The following YIPF6 variants were observed in gnomAD, a reference collection of about 807,000 sequenced individuals.
The protein encoded by YIPF6 is Yip1 domain family member 6.
A neutral mutation model predicts 16.8 loss-of-function variants in YIPF6; 3 were observed. The observed-to-expected ratio is 0.18, with a 90% CI of 0.08 to 0.46. YIPF6 has a LOEUF of 0.46. YIPF6 is among the 20% of genes least tolerant of loss of function. The probability of loss-of-function intolerance (pLI) is 0.98; values close to 1 mark genes in which losing one functional copy is unlikely to be tolerated. For missense variants in YIPF6, 145 were observed against 184.9 expected (o/e 0.78, Z 1.25); for synonymous variants, 67 against 61.9 (o/e 1.08, Z -0.38).
At chrX:68,515,274 C>T (rs1325104730) in intron 3 of YIPF6, 2 of 104,374 alleles carry the variant, frequency 1.9e-5, no homozygotes, top group Non-Finnish European at 3.9e-5. Context: ...TGCAGTGAGC[C>T]GGGATAGCGC....
rs565225177 is a variant in YIPF6, at chrX:68,524,504, T to A, written c.592+1587T>A. On this transcript the variant is annotated intron_variant, in intron 6 of 6. Transcript: ENST00000462683. ...ATTTATTTATTTATTTGGCTAAAAATATATATATATATATATGTTTTTATA... is the reference window on the plus strand; with the variant it reads ...ATTTATTTATTTATTTGGCTAAAAAAATATATATATATATATGTTTTTATA... Among the ~76,000 whole-genome samples, 394 of 106,999 alleles carry A rather than the reference T, an allele frequency of 3.7e-3. 1 individual carries two copies. The highest frequency in any genetic ancestry group is 5.0e-3 in the Non-Finnish European group (259 of 51,973). The allele number at this position is 106,999 out of a possible 115,157, so 92.9% of individuals were successfully genotyped here. A position where few individuals can be genotyped will look rare whatever the true frequency, so the allele number is the denominator to read the frequency against.
intron 3 of YIPF6, among the ~76,000 whole-genome samples, chrX:68,516,913 G>T (rs775571019): frequency 9.1e-6 from 1 of 109,744 alleles, no homozygotes; most frequent in Non-Finnish European, 1.9e-5. Flanking sequence ...CTGCCTCCTG[G>T]GTTTAAGGGA....
rs1396056212 is a variant in YIPF6 at position 68,532,383 on chromosome X, A to G, written c.*384A>G. Reference sequence around the variant, plus strand: ...TTTTCAGTTTTGAGAATACCAGTTCAGGTGCAGCTCTTAAACACATTGCCT... The same window carrying G: ...TTTTCAGTTTTGAGAATACCAGTTCGGGTGCAGCTCTTAAACACATTGCCT... On this transcript the variant is annotated 3_prime_UTR_variant, in exon 7 of 7. Transcript: ENST00000462683. 1 of 120,653 alleles carries G rather than the reference A, an allele frequency of 8.3e-6. No homozygotes were observed. Among genetic ancestry groups the G allele is most frequent in the African/African-American group, 3.2e-5 (1 of 31,032 alleles). The allele number at this position is 120,653 out of a possible 1,213,427, so 9.9% of individuals were successfully genotyped here.
intron 1 of YIPF6, among the ~76,000 whole-genome samples, chrX:68,508,550 C>T (rs1406986354): frequency 9.0e-6 from 1 of 111,229 alleles, no homozygotes; most frequent in Non-Finnish European, 1.9e-5. Flanking sequence ...TTTTAGTTTG[C>T]ATAATTTTGA....
In YIPF6 at chrX:68,522,777, T is replaced by C; in HGVS notation, c.452T>C (p.Leu151Pro). 8.3e-7 allele frequency: 1 copy of C among 1,199,620 alleles called. No homozygotes were observed. Among genetic ancestry groups the C allele is most frequent in the Non-Finnish European group, 1.1e-6 (1 of 892,103 alleles). ...LGGNISFFQS[L>P]CVLGYCILPL... is the part of the protein sequence containing the mutation. ...TTTTTAAGATCTTTTTTTCAGAGCC[T>C]CTGTGTGCTGGGTTACTGTATACTT... The change falls in exon 6 of 7, where the codon CTC becomes CCC. Residue 151 changes from leucine to proline, a missense_variant. Transcript: ENST00000462683.
In YIPF6 at chrX:68,531,990, T is replaced by C; in HGVS notation, c.702T>C (p.Thr234=). The C allele has an allele frequency of 8.4e-7, 1 of 1,183,641 alleles. No homozygotes were observed. Among genetic ancestry groups the C allele is most frequent in the Non-Finnish European group, 1.1e-6 (1 of 873,336 alleles). The change falls in exon 7 of 7, where the codon ACT becomes ACC. Residue 234 remains threonine (T), a synonymous_variant. Coordinates refer to ENST00000462683, the MANE Select transcript of YIPF6 (RefSeq NM_173834.4). ...FVISWMILTF[T]PQ ...TCAGTTGGATGATTCTCACCTTTACTCCTCAGTAAATCAGGAATGGGAAAT... is the reference window on the plus strand; with the variant it reads ...TCAGTTGGATGATTCTCACCTTTACCCCTCAGTAAATCAGGAATGGGAAAT...
intron 3 of YIPF6, among the ~76,000 whole-genome samples, chrX:68,518,235 G>A (rs1354312579): frequency 2.0e-5 from 2 of 102,476 alleles, no homozygotes; most frequent in African/African-American, 3.7e-5. Context: ...TTGCGCCATT[G>A]CACTCCAGCC....
At chrX:68,517,242 G>A (rs2079106616) in intron 3 of YIPF6, among the ~76,000 whole-genome samples, 1 of 111,696 alleles carries the variant, frequency 9.0e-6, no homozygotes, top group East Asian at 2.8e-4. Context: ...CTGCCACCCG[G>A]GTTCAAGCAA....
chrX:68,534,984 G>A lies in YIPF6; in HGVS notation c.*2985G>A, dbSNP rs1453557363. The A allele has an allele frequency of 8.9e-6, 1 of 112,342 alleles. No individual in the cohort carries two copies. Among genetic ancestry groups the A allele is most frequent in the East Asian group, 2.8e-4 (1 of 3,582 alleles). 9.3% of individuals were successfully genotyped at this position (112,342 alleles called of 1,213,427 possible). On this transcript the variant is annotated 3_prime_UTR_variant, in exon 7 of 7. Coordinates refer to ENST00000462683, the MANE Select transcript of YIPF6 (RefSeq NM_173834.4). ...TTGTCATATTCTTTAGCAATAGGAC[G>A]GGTAAAGACTGGATTTAATTGCTGT...
At chrX:68,515,325 CAAAAAAAA>C (rs762002363) in intron 3 of YIPF6, 1 of 59,312 alleles carries the variant, frequency 1.7e-5, no homozygotes, top group African/African-American at 6.8e-5. Flanking sequence ...GACTCCGTCT[CAAAAAAAA>C]AAAAAATAAA....
chrX:68,499,144 A>T (rs753306722), intron 1 of YIPF6, 21 bp downstream of exon 1: 11 of 1,171,661 alleles, frequency 9.4e-6, no homozygotes, highest in Non-Finnish European at 1.1e-6. Flanking sequence ...GATCTGCGAC[A>T]AAAGGGACCG....
intron 6 of YIPF6, among the ~76,000 whole-genome samples, chrX:68,524,769 G>T (rs2079140977): frequency 9.1e-6 from 1 of 110,146 alleles, no homozygotes. Context: ...GAGAACATGT[G>T]GTGTTTGGTT....
At position 68,522,929 on chromosome X, in the gene YIPF6, C is replaced by T; in HGVS notation, c.592+12C>T. The T allele has an allele frequency of 1.7e-6, 2 of 1,207,482 alleles. No homozygotes were observed. Among genetic ancestry groups the T allele is most frequent in the Non-Finnish European group, 1.1e-6 (1 of 893,908 alleles). On this transcript the variant is annotated intron_variant, in intron 6 of 6. Transcript: ENST00000462683. ...CTGGTCTATAGTTGGTAAGTATGTACTTATTTCCACAATAACAGAACAGAC... is the reference window on the plus strand; with the variant it reads ...CTGGTCTATAGTTGGTAAGTATGTATTTATTTCCACAATAACAGAACAGAC...
At chrX:68,516,868 T>C (rs780727255) in intron 3 of YIPF6, among the ~76,000 whole-genome samples, 84 of 110,938 alleles carry the variant, frequency 7.6e-4, no homozygotes, top group African/African-American at 2.7e-3. Flanking sequence ...TGGAGTGTAG[T>C]GAGTGGAGGT....
At chrX:68,511,378 CTG>C (rs1483105419) in intron 1 of YIPF6, among the ~76,000 whole-genome samples, 1 of 111,968 alleles carries the variant, frequency 8.9e-6, no homozygotes, top group Non-Finnish European at 1.9e-5. Flanking sequence ...CCTGTAAAGA[CTG>C]TAATCAAGGT....
At chrX:68,531,612 A>G (rs1602473000) in intron 6 of YIPF6, among the ~76,000 whole-genome samples, 1 of 112,187 alleles carries the variant, frequency 8.9e-6, no homozygotes, top group African/African-American at 3.2e-5. Context: ...GTACAGTTCA[A>G]TAACTTTTCC....
At chrX:68,508,877 T>A (rs1333281002) in intron 1 of YIPF6, among the ~76,000 whole-genome samples, 1 of 111,769 alleles carries the variant, frequency 8.9e-6, no homozygotes, top group East Asian at 2.8e-4. Flanking sequence ...TAATTTGTTA[T>A]TGATATTGAA....
At chrX:68,523,543 T>C (rs760196574) in intron 6 of YIPF6, among the ~76,000 whole-genome samples, 1 of 110,535 alleles carries the variant, frequency 9.0e-6, no homozygotes, top group Non-Finnish European at 1.9e-5. Flanking sequence ...ATAGCACTTT[T>C]CTGCTTCAGT....
chrX:68,528,135 T>G (rs1324237485), intron 6 of YIPF6, among the ~76,000 whole-genome samples: 1 of 111,409 alleles, frequency 9.0e-6, no homozygotes, highest in Non-Finnish European at 1.9e-5. Flanking sequence ...TTGTAGGTCT[T>G]TAAGAATTTG....
Sources: allele counts gnomAD v4.1 joint callset (sites outside exome capture counted in the v4.1 genomes callset), GRCh38; gene constraint gnomAD v4.1.1; transcripts MANE v1.5; gene names NCBI Gene and HGNC (gene_info 2026-07-23, HGNC 2026-07-21).